USP28: variants seen among roughly 807,000 people sequenced by gnomAD.
USP28 encodes ubiquitin carboxyl-terminal hydrolase 28.
A neutral mutation model predicts 145.0 loss-of-function variants in USP28; 113 were observed. The ratio of observed to expected loss-of-function variants is 0.78; its 90% confidence interval spans 0.67 to 0.91. The LOEUF (loss-of-function observed/expected upper bound fraction) is 0.91, where lower values mean the gene tolerates loss of function less well. Among genes scored for constraint, USP28 ranks in the 40% least tolerant of loss-of-function variants. The probability of loss-of-function intolerance (pLI) is 0.00; values close to 1 mark genes in which losing one functional copy is unlikely to be tolerated. For missense variants in USP28, 1,201 were observed against 1,289.6 expected (o/e 0.93, Z 1.05); for synonymous variants, 447 against 450.9 (o/e 0.99, Z 0.11).
chr11:113,831,849 C>T, intron 8 of USP28, 71 bp downstream of exon 8: 1 of 1,474,898 alleles, frequency 6.8e-7, no homozygotes, highest in Non-Finnish European at 9.4e-7. Flanking sequence ...AGGAGAGTAA[C>T]TTTCCAGCAT....
At chr11:113,807,730 T>C (rs1940252359) in intron 18 of USP28, among the ~76,000 whole-genome samples, 1 of 152,154 alleles carries the variant, frequency 6.6e-6, no homozygotes, top group Admixed American at 6.5e-5. Context: ...CCCCATTAAG[T>C]ATAAGCCTGG....
At chr11:113,849,123 T>C (rs1212632118) in intron 3 of USP28, among the ~76,000 whole-genome samples, 1 of 152,158 alleles carries the variant, frequency 6.6e-6, no homozygotes, top group Non-Finnish European at 1.5e-5. Context: ...CATAATACAA[T>C]GGAAATGGTT....
chr11:113,846,980 G>A (rs1945931151), intron 3 of USP28, among the ~76,000 whole-genome samples: 1 of 152,182 alleles, frequency 6.6e-6, no homozygotes, highest in African/African-American at 2.4e-5. Context: ...GGGTGACAGA[G>A]CGAGCTTCCT....
At chr11:113,873,807 G>C (rs962851841) in intron 1 of USP28, among the ~76,000 whole-genome samples, 1 of 152,002 alleles carries the variant, frequency 6.6e-6, no homozygotes, top group Admixed American at 6.6e-5. Flanking sequence ...TTTCGTTTCG[G>C]AGCCCAGGAC....
At chr11:113,837,375 C>T (rs1055108583) in intron 5 of USP28, among the ~76,000 whole-genome samples, 10 of 152,142 alleles carry the variant, frequency 6.6e-5, no homozygotes, top group African/African-American at 1.9e-4. Flanking sequence ...CTTGGGCATC[C>T]CATCTCTAGT....
intron 24 of USP28, among the ~76,000 whole-genome samples, chr11:113,801,039 C>T (rs574030610): frequency 1.1e-4 from 17 of 152,170 alleles, no homozygotes; most frequent in East Asian, 5.8e-4. Flanking sequence ...GATGGGGTTT[C>T]GCCTTGTTGG....
intron 1 of USP28, among the ~76,000 whole-genome samples, chr11:113,859,788 T>C (rs895850148): frequency 1.3e-5 from 2 of 152,214 alleles, no homozygotes; most frequent in African/African-American, 2.4e-5. Flanking sequence ...CCTCTCACAA[T>C]GAAGTCAAAT....
At position 113,838,729 on chromosome 11, in the gene USP28, C is replaced by T. The variant is rs1944858117; in HGVS notation, c.534+1869G>A. On this transcript the variant is annotated intron_variant, in intron 5 of 24. Transcript: ENST00000003302. ...CCAGACTCATTCATTCATCTTTACA[C>T]TTGTCACCTCCTCATGTTTTGTTTA... Among the ~76,000 whole-genome samples the T allele has an allele frequency of 2.0e-5, 3 of 152,324 alleles. No individual in the cohort carries two copies. In the South Asian group the frequency reaches 6.2e-4, roughly 32 times the overall value.
chr11:113,802,560 G>A (rs556479260), intron 23 of USP28, among the ~76,000 whole-genome samples: 1 of 152,298 alleles, frequency 6.6e-6, no homozygotes, highest in African/African-American at 2.4e-5. Context: ...CCCCTGGGGA[G>A]GCAAGGGGAT....
intron 18 of USP28, among the ~76,000 whole-genome samples, chr11:113,807,374 T>C (rs1010992889): frequency 9.7e-6 from 1 of 103,160 alleles, no homozygotes; most frequent in Admixed American, 1.2e-4. Flanking sequence ...GTGCCCAGCC[T>C]TGTCAATGAT....
At chr11:113,833,280 G>A (rs1944216871) in intron 7 of USP28, 140 bp downstream of exon 7, 1 of 1,207,658 alleles carries the variant, frequency 8.3e-7, no homozygotes, top group Non-Finnish European at 1.2e-6. Context: ...CTGTTCTGTA[G>A]GCAAAACAAA....
chr11:113,824,544 C>G (rs1363798792), intron 11 of USP28, among the ~76,000 whole-genome samples: 3 of 150,976 alleles, frequency 2.0e-5, no homozygotes, highest in Non-Finnish European at 4.4e-5. Flanking sequence ...GTCTCAAACT[C>G]CCTACCTCAG....
intron 5 of USP28, among the ~76,000 whole-genome samples, chr11:113,839,460 C>A (rs1187708599): frequency 1.3e-5 from 2 of 152,200 alleles, no homozygotes; most frequent in Admixed American, 6.5e-5. Flanking sequence ...TGGCACACGC[C>A]TGTCATCCCA....
At chr11:113,829,098 A>C in intron 10 of USP28, 99 bp downstream of exon 10, 2 of 1,513,940 alleles carry the variant, frequency 1.3e-6, no homozygotes, top group South Asian at 1.2e-5. Flanking sequence ...GCTAAGTGTA[A>C]AGTTACTTAA....
At chr11:113,838,318 T>C (rs1944811146) in intron 5 of USP28, among the ~76,000 whole-genome samples, 1 of 152,222 alleles carries the variant, frequency 6.6e-6, no homozygotes, top group Admixed American at 6.5e-5. Flanking sequence ...TGTTCTATTC[T>C]CAACACAGAT....
chr11:113,869,928 T>C (rs982071468), intron 1 of USP28, among the ~76,000 whole-genome samples: 7 of 152,004 alleles, frequency 4.6e-5, no homozygotes, highest in African/African-American at 1.7e-4. Flanking sequence ...TTTGGGAGGC[T>C]GAGGTGGGCA....
chr11:113,801,831 A>G (rs1939083427), intron 23 of USP28, 153 bp from the exon 25 acceptor site: 3 of 552,904 alleles, frequency 5.4e-6, no homozygotes, highest in Non-Finnish European at 9.1e-6. Context: ...CCCACTTCTG[A>G]TAAGCTGATT....
chr11:113,798,228 A>T (rs2459973), exon 25 of USP28: 1 of 152,356 alleles, frequency 6.6e-6, no homozygotes, highest in African/African-American at 2.4e-5. Context: ...CAGCCTGGCC[A>T]ATATGGTGAA....
chr11:113,848,720 T>C (rs752940090), intron 3 of USP28, among the ~76,000 whole-genome samples: 3 of 152,208 alleles, frequency 2.0e-5, no homozygotes, highest in African/African-American at 4.8e-5. Flanking sequence ...GCCTGGAGAA[T>C]GTTCCCTCTA....
Sources: gnomAD v4.1 joint callset for allele counts (sites outside exome capture counted in the v4.1 genomes callset) on GRCh38, gnomAD v4.1.1 for gene constraint, MANE v1.5 for transcripts, NCBI Gene and HGNC (gene_info 2026-07-23, HGNC 2026-07-21) for gene names.